The following CLVS1 variants were observed in gnomAD, a reference collection of about 807,000 sequenced individuals.
CLVS1 encodes clavesin 1, also known as clavesin-1.
CLVS1 carries 10 observed loss-of-function variants against 33.1 expected under a neutral mutation model. The observed-to-expected ratio is 0.30, with a 90% CI of 0.19 to 0.51. The LOEUF is 0.51. CLVS1 is among the 20% of genes least tolerant of loss of function. The pLI, the probability that CLVS1 is intolerant of heterozygous loss-of-function variation, is 0.97. For missense variants in CLVS1, 343 were observed against 433.4 expected, an observed-to-expected ratio of 0.79 and a Z score of 1.85; for synonymous variants, 163 against 166.1, an observed-to-expected ratio of 0.98 and a Z score of 0.14.
chr8:61,270,385 G>T (rs1315150137), intron 2 of CLVS1, among the ~76,000 whole-genome samples: 1 of 152,166 alleles, frequency 6.6e-6, no homozygotes, highest in Admixed American at 6.5e-5. Flanking sequence ...TTGTGGATAA[G>T]CTTTTTGATG....
At chr8:61,207,990 A>G (rs1030653624) in intron 2 of CLVS1, among the ~76,000 whole-genome samples, 4 of 152,250 alleles carry the variant, frequency 2.6e-5, no homozygotes, top group Non-Finnish European at 4.4e-5. Flanking sequence ...TTGCAGGTAG[A>G]TAAAAGCGAG....
At chr8:61,026,350 C>G in the CLVS1 span, among the ~76,000 whole-genome samples, 1 of 152,218 alleles carries the variant, frequency 6.6e-6, no homozygotes, top group African/African-American at 2.4e-5. Context: ...TTTTGGACTT[C>G]CAGCCTTCAG....
At chr8:61,231,649 C>T (rs1028749071) in intron 2 of CLVS1, among the ~76,000 whole-genome samples, 2 of 152,168 alleles carry the variant, frequency 1.3e-5, no homozygotes, top group East Asian at 3.8e-4. Context: ...TGGCAAATAA[C>T]AGAAATCCCA....
chr8:61,377,190 C>A (rs10111649), intron 3 of CLVS1: 103,331 of 159,074 alleles, frequency 0.65, 35,376 homozygotes, highest in Non-Finnish European at 0.75. Context: ...CCAAGAGTGT[C>A]ACGTGCTACC....
chr8:61,347,029 A>G (rs1174130292), intron 2 of CLVS1, among the ~76,000 whole-genome samples: 1 of 152,190 alleles, frequency 6.6e-6, no homozygotes, highest in Non-Finnish European at 1.5e-5. Context: ...GAGTTTGAGT[A>G]GAGAATAATC....
intron 2 of CLVS1, among the ~76,000 whole-genome samples, chr8:61,203,555 A>T (rs1276371186): frequency 6.6e-6 from 1 of 152,152 alleles, no homozygotes; most frequent in African/African-American, 2.4e-5. Flanking sequence ...AAAAAAAAAA[A>T]AGAATGGTAG....
At chr8:61,283,223 G>T (rs1318722802), upstream of CLVS1, among the ~76,000 whole-genome samples, 1 of 152,134 alleles carries the variant, frequency 6.6e-6, no homozygotes, top group Non-Finnish European at 1.5e-5. Flanking sequence ...GATAACAGTG[G>T]TTATGCCACC....
rs1175128343 is a variant in CLVS1 at position 61,299,950 on chromosome 8, A to G, written c.123A>G (p.Glu41=). The G allele has an allele frequency of 6.2e-7, 1 of 1,614,058 alleles. No homozygotes were observed. Among genetic ancestry groups the G allele is most frequent in the Non-Finnish European group, 8.5e-7 (1 of 1,179,978 alleles). The change falls in exon 2 of 6, where the codon GAA becomes GAG. Residue 41 remains glutamate (E), a synonymous_variant. Coordinates refer to ENST00000325897, the MANE Select transcript of CLVS1 (RefSeq NM_173519.3). ...SPETIEKARL[E]LNENPDVLHQ... is the part of the protein sequence containing the mutation. ...AGACTATAGAGAAAGCTCGCCTGGAACTGAATGAAAACCCCGATGTTTTAC... is the reference window on the plus strand; with the variant it reads ...AGACTATAGAGAAAGCTCGCCTGGAGCTGAATGAAAACCCCGATGTTTTAC...
At chr8:61,203,995 T>C (rs980035772) in intron 2 of CLVS1, among the ~76,000 whole-genome samples, 8 of 152,240 alleles carry the variant, frequency 5.3e-5, no homozygotes, top group African/African-American at 1.4e-4. Context: ...AAAATCATCC[T>C]GCCATGTAGA....
At chr8:61,474,782 G>A (rs189539644) in intron 5 of CLVS1, among the ~76,000 whole-genome samples, 1 of 152,110 alleles carries the variant, frequency 6.6e-6, no homozygotes, top group East Asian at 1.9e-4. Context: ...TTTTCCCAGT[G>A]AAGCAGGGCA....
intron 3 of CLVS1, among the ~76,000 whole-genome samples, chr8:61,383,094 T>C (rs946883075): frequency 5.9e-5 from 9 of 152,216 alleles, no homozygotes; most frequent in African/African-American, 2.2e-4. Context: ...CCCAGCGCTG[T>C]AATTTGGATC....
At chr8:61,178,338 G>C (rs1379809639) in intron 2 of CLVS1, among the ~76,000 whole-genome samples, 1 of 151,998 alleles carries the variant, frequency 6.6e-6, no homozygotes. Context: ...CAAGAAATTT[G>C]GGGCTATGTA....
chr8:61,410,239 T>C (rs1815168550), intron 3 of CLVS1, among the ~76,000 whole-genome samples: 1 of 152,058 alleles, frequency 6.6e-6, no homozygotes, highest in South Asian at 2.1e-4. Flanking sequence ...AGATGTTTTG[T>C]TTTTGTTTTT....
rs76247586 is a variant in CLVS1 at position 61,408,302 on chromosome 8, G to A, written c.630+31523G>A. 1.6e-3 allele frequency among the ~76,000 whole-genome samples: 249 copies of A among 152,348 alleles called. 6 individuals carry two copies. In the East Asian group the frequency reaches 0.045, roughly 28 times the overall value. On this transcript the variant is annotated intron_variant, in intron 3 of 5. Transcript: ENST00000325897. ...CTTAGCCCTAAATGACATGAGGAAG[G>A]CAGACATGCAAAGAACCAGGGTGGA...
intron 2 of CLVS1, among the ~76,000 whole-genome samples, chr8:61,198,606 C>G (rs1807665239): frequency 1.3e-5 from 2 of 152,174 alleles, no homozygotes; most frequent in Non-Finnish European, 2.9e-5. Context: ...TCTCAAAGTC[C>G]TGACCTCAAG....
chr8:61,407,745 T>C (rs1815046601), intron 3 of CLVS1, among the ~76,000 whole-genome samples: 1 of 152,212 alleles, frequency 6.6e-6, no homozygotes, highest in African/African-American at 2.4e-5. Context: ...ACTAAAAATA[T>C]GAGAGAATTC....
chr8:61,419,929 T>C (rs1815590292), intron 3 of CLVS1, among the ~76,000 whole-genome samples: 1 of 152,260 alleles, frequency 6.6e-6, no homozygotes, highest in South Asian at 2.1e-4. Flanking sequence ...GCTGTTCACC[T>C]ATTAGCATTA....
chr8:61,419,414 A>AT (rs1815567732), intron 3 of CLVS1, among the ~76,000 whole-genome samples: 1 of 151,814 alleles, frequency 6.6e-6, no homozygotes, highest in East Asian at 1.9e-4. Flanking sequence ...AAAAAAAAAA[A>AT]AATATTTAAA....
At chr8:61,308,532 G>A (rs1262495253) in intron 2 of CLVS1, among the ~76,000 whole-genome samples, 1 of 152,162 alleles carries the variant, frequency 6.6e-6, no homozygotes, top group Non-Finnish European at 1.5e-5. Context: ...ACAGTCAGCA[G>A]GGGGAGCTGC....
Sources: gnomAD v4.1 joint callset for allele counts (sites outside exome capture counted in the v4.1 genomes callset) on GRCh38, gnomAD v4.1.1 for gene constraint, MANE v1.5 for transcripts, NCBI Gene and HGNC (gene_info 2026-07-23, HGNC 2026-07-21) for gene names.